ZNF395: variants seen among roughly 807,000 people sequenced by gnomAD.
The protein encoded by ZNF395 is zinc finger protein 395, also known as HD gene regulatory region-binding protein 2.
A neutral mutation model predicts 57.7 loss-of-function variants in ZNF395; 20 were observed. The observed-to-expected ratio is 0.35, with a 90% confidence interval of 0.24 to 0.50. The LOEUF is 0.50. ZNF395 is among the 20% of genes least tolerant of loss of function. ZNF395 has a pLI of 0.97. For synonymous variants in ZNF395, 295 were observed against 275.9 expected, an observed-to-expected ratio of 1.07 and a Z score of -0.69; for missense variants, 606 against 671.2, an observed-to-expected ratio of 0.90 and a Z score of 1.07.
rs1242981492 is a variant in ZNF395 at position 28,348,257 on chromosome 8, C to G, written c.*462G>C. The G allele has an allele frequency of 7.8e-6, 1 of 129,002 alleles. No individual in the cohort carries two copies. Among genetic ancestry groups the G allele is most frequent in the African/African-American group, 3.0e-5 (1 of 33,694 alleles). The allele number at this position is 129,002 out of a possible 1,614,324, so 8.0% of individuals were successfully genotyped here. On this transcript the variant is annotated 3_prime_UTR_variant, in exon 10 of 10. Coordinates refer to ENST00000344423, the MANE Select transcript of ZNF395 (RefSeq NM_018660.3). ...CTCTGAGTCACCCATCAGCCAGAAACTCTTTTTTTTTTTTTTTTTTTTTTT... is the reference window on the plus strand; with the variant it reads ...CTCTGAGTCACCCATCAGCCAGAAAGTCTTTTTTTTTTTTTTTTTTTTTTT...
chr8:28,349,917 T>A, intron 8 of ZNF395, 147 bp downstream of exon 8: 1 of 668,084 alleles, frequency 1.5e-6, no homozygotes, highest in South Asian at 2.4e-5. Context: ...CACAAGGACA[T>A]CTTCAACACG....
chr8:28,376,528 G>A (rs1802042181), intron 1 of ZNF395, among the ~76,000 whole-genome samples: 1 of 152,210 alleles, frequency 6.6e-6, no homozygotes, highest in Admixed American at 6.5e-5. Flanking sequence ...GCTGAGGCAG[G>A]GAGAAATGCT....
chr8:28,379,134 G>A (rs1262940081), intron 1 of ZNF395, among the ~76,000 whole-genome samples: 1 of 152,192 alleles, frequency 6.6e-6, no homozygotes, highest in Non-Finnish European at 1.5e-5. Flanking sequence ...CTGATAACCA[G>A]GAAAATATTT....
chr8:28,363,139 T>TTTG (rs981514922), intron 1 of ZNF395, among the ~76,000 whole-genome samples: 2 of 151,846 alleles, frequency 1.3e-5, no homozygotes, highest in African/African-American at 4.8e-5. Flanking sequence ...GGGTTTTTTT[T>TTTG]TTTGTTTTTT....
chr8:28,365,841 G>T (rs1233291263), intron 1 of ZNF395, among the ~76,000 whole-genome samples: 1 of 152,176 alleles, frequency 6.6e-6, no homozygotes, highest in Non-Finnish European at 1.5e-5. Context: ...TAAGGAACTG[G>T]AACAGGCAGA....
chr8:28,351,141 C>T (rs1273292844), intron 7 of ZNF395, among the ~76,000 whole-genome samples: 1 of 152,202 alleles, frequency 6.6e-6, no homozygotes, highest in Admixed American at 6.5e-5. Context: ...GACTGTCTGT[C>T]CACAGAACAC....
intron 1 of ZNF395, among the ~76,000 whole-genome samples, chr8:28,376,830 T>C (rs1200949389): frequency 6.6e-6 from 1 of 152,234 alleles, no homozygotes; most frequent in African/African-American, 2.4e-5. Context: ...GTCCTGCCTA[T>C]GCTTTTCACA....
intron 1 of ZNF395, among the ~76,000 whole-genome samples, chr8:28,383,322 A>G (rs1272551200): frequency 1.3e-5 from 2 of 152,138 alleles, no homozygotes; most frequent in Non-Finnish European, 2.9e-5. Flanking sequence ...GAGCTCAAGA[A>G]AAAAAGCACC....
Position 28,376,575 on chromosome 8 carries a change from C to T in ZNF395, c.-59+9818G>A, listed in dbSNP as rs533818893. On this transcript the variant is annotated intron_variant, in intron 1 of 9. Coordinates refer to ENST00000344423, the MANE Select transcript of ZNF395 (RefSeq NM_018660.3). ...GGCAGAGGTTGCAGTAAGCTGAGATCGCACCACTGTACTCCAGCCTGGGCA... is the reference window on the plus strand; with the variant it reads ...GGCAGAGGTTGCAGTAAGCTGAGATTGCACCACTGTACTCCAGCCTGGGCA... Among the ~76,000 whole-genome samples the T allele has an allele frequency of 1.3e-3, 192 of 152,000 alleles. 1 individual carries two copies. Among genetic ancestry groups the T allele is most frequent in the Admixed American group, 5.4e-3 (82 of 15,254 alleles).
rs760532740 is a variant in ZNF395 at position 28,356,621 on chromosome 8, T to C, written c.583+49A>G. ...AGCTGCTCTGCACAGAGGATGTTTG[T>C]CGTGGGCCTCTACCATGCCCAGAAC... On this transcript the variant is annotated intron_variant, in intron 4 of 9. Transcript: ENST00000344423. The surrounding 1 kb of genome is among the most constrained non-coding windows in gnomAD (Gnocchi z 4.0). The C allele has an allele frequency of 7.0e-7, 1 of 1,426,502 alleles. No homozygotes were observed. Among genetic ancestry groups the C allele is most frequent in the Non-Finnish European group, 9.8e-7 (1 of 1,017,790 alleles). The allele number at this position is 1,426,502 out of a possible 1,614,324, so 88.4% of individuals were successfully genotyped here.
In ZNF395 at chr8:28,359,749, C is replaced by G; in HGVS notation, c.316G>C (p.Val106Leu). 6.2e-7 allele frequency: 1 copy of G among 1,614,134 alleles called. No individual in the cohort carries two copies. The highest frequency in any genetic ancestry group is 8.5e-7 in the Non-Finnish European group (1 of 1,180,040). Residue 106 changes from valine to leucine, a missense_variant, in exon 3 of 10, where the codon GTC (valine) becomes CTC (leucine). Transcript: ENST00000344423. The surrounding 1 kb of genome is among the most constrained non-coding windows in gnomAD (Gnocchi z 4.7). ...TGCAGCTTCTGCTCCAGCAGCCAGACGGTCACCTGACCCTCCATCCAGCTG... is the reference window on the plus strand; with the variant it reads ...TGCAGCTTCTGCTCCAGCAGCCAGAGGGTCACCTGACCCTCCATCCAGCTG... ...QHSWMEGQVT[V>L]WLLEQKLQVC...
At position 28,348,589 on chromosome 8, in the gene ZNF395, T is replaced by A; in HGVS notation, c.*130A>T. On this transcript the variant is annotated 3_prime_UTR_variant, in exon 10 of 10. Transcript: ENST00000344423. ...GAAAATTGCTTTAAGTGTTACACCT[T>A]AGCCAACAGAGCCCAAACTCCGTGT... The A allele has an allele frequency of 1.3e-6, 1 of 774,072 alleles. No individual in the cohort carries two copies. The highest frequency in any genetic ancestry group is 2.2e-6 in the Non-Finnish European group (1 of 445,452). The allele number at this position is 774,072 out of a possible 1,614,324, so 48.0% of individuals were successfully genotyped here.
At chr8:28,376,661 A>T (rs925450498) in intron 1 of ZNF395, among the ~76,000 whole-genome samples, 1 of 152,104 alleles carries the variant, frequency 6.6e-6, no homozygotes, top group Non-Finnish European at 1.5e-5. Context: ...CTTTCCCCCA[A>T]ACCCACTATA....
In ZNF395 at chr8:28,356,707, A is replaced by C. The variant is rs1161226493; in HGVS notation, c.546T>G (p.Val182=). 6.2e-7 allele frequency: 1 copy of C among 1,614,218 alleles called. No individual in the cohort carries two copies. Among genetic ancestry groups the C allele is most frequent in the South Asian group, 1.1e-5 (1 of 91,082 alleles). ...CCTCGGTCCCGGGAGGACTCTGTAC[A>C]ACAGGGCTGCAGGACAGGGACGTCA... ...MVLTSLSCSP[V]VQSPPGTEAN... The change falls in exon 4 of 10, where the codon GTT becomes GTG. Residue 182 remains valine, a synonymous_variant. Transcript: ENST00000344423. The surrounding 1 kb of genome is among the most constrained non-coding windows in gnomAD (Gnocchi z 4.0).
At chr8:28,361,207 G>A in intron 1 of ZNF395, 25 bp from the exon 2 acceptor site, 1 of 1,593,450 alleles carries the variant, frequency 6.3e-7, no homozygotes, top group Non-Finnish European at 8.5e-7. Context: ...AAGCTTTCAG[G>A]AGGGAGCCCC....
chr8:28,378,538 A>G (rs59271362), intron 1 of ZNF395, among the ~76,000 whole-genome samples: 29,225 of 152,006 alleles, frequency 0.19, 4,830 homozygotes, highest in African/African-American at 0.44. Context: ...AATGCACCTC[A>G]CCTGTTTTTT....
chr8:28,378,412 T>C (rs944969250), intron 1 of ZNF395, among the ~76,000 whole-genome samples: 1 of 152,096 alleles, frequency 6.6e-6, no homozygotes, highest in African/African-American at 2.4e-5. Context: ...GGTTAATTTT[T>C]CTATTTTTTG....
At chr8:28,384,945 CCT>C (rs1317843591) in intron 1 of ZNF395, 2 of 152,284 alleles carry the variant, frequency 1.3e-5, no homozygotes, top group Non-Finnish European at 2.9e-5. Flanking sequence ...ACAGCAGCTC[CCT>C]GACAGGACCT....
intron 4 of ZNF395, 132 bp from the exon 5 acceptor site, chr8:28,353,540 C>G: frequency 1.5e-6 from 1 of 672,008 alleles, no homozygotes; most frequent in South Asian, 2.1e-5. Context: ...ACTGCTCTAC[C>G]CTCGCAGACA....
Sources: gnomAD v4.1 joint callset for allele counts (sites outside exome capture counted in the v4.1 genomes callset) on GRCh38, gnomAD v4.1.1 for gene constraint, Gnocchi (gnomAD v3.1) non-coding constraint, MANE v1.5 for transcripts, NCBI Gene and HGNC (gene_info 2026-07-23, HGNC 2026-07-21) for gene names.